ADGRB3: variants seen among roughly 807,000 people sequenced by gnomAD.
ADGRB3 encodes brain-specific angiogenesis inhibitor 3.
ADGRB3 carries 37 observed loss-of-function variants against 193.4 expected under a neutral mutation model. That is an observed-to-expected ratio of 0.19 (90% confidence interval 0.15 to 0.25). ADGRB3 has a LOEUF of 0.25. Among genes scored for constraint, ADGRB3 ranks in the 10% least tolerant of loss-of-function variants. ADGRB3 has a pLI of 1.00. For synonymous variants in ADGRB3, 690 were observed against 644.2 expected, an observed-to-expected ratio of 1.07 and a Z score of -1.08; for missense variants, 1,637 against 1,852.9, an observed-to-expected ratio of 0.88 and a Z score of 2.14.
At chr6:68,779,141 T>C (rs927066098) in intron 3 of ADGRB3, among the ~76,000 whole-genome samples, 1 of 151,806 alleles carries the variant, frequency 6.6e-6, no homozygotes, top group African/African-American at 2.4e-5. Flanking sequence ...CACACATATA[T>C]ACATAACAGA....
chr6:68,821,341 T>G (rs1232850390), intron 3 of ADGRB3, among the ~76,000 whole-genome samples: 1 of 151,980 alleles, frequency 6.6e-6, no homozygotes, highest in Non-Finnish European at 1.5e-5. Flanking sequence ...TTACTTTACA[T>G]AAGTACAATG....
At chr6:69,062,582 T>A (rs1452114395) in intron 15 of ADGRB3, among the ~76,000 whole-genome samples, 2 of 151,856 alleles carry the variant, frequency 1.3e-5, no homozygotes, top group African/African-American at 2.4e-5. Context: ...AACTCTTAGG[T>A]CCTCCTTGAT....
At chr6:69,325,147 A>C in intron 21 of ADGRB3, 125 bp downstream of exon 21, 1 of 1,261,702 alleles carries the variant, frequency 7.9e-7, no homozygotes, top group Middle Eastern at 2.0e-4. Context: ...AAGTGAAAAT[A>C]CATGAGCTGG....
intron 20 of ADGRB3, among the ~76,000 whole-genome samples, chr6:69,280,452 G>A (rs560946376): frequency 6.6e-6 from 1 of 152,218 alleles, no homozygotes; most frequent in South Asian, 2.1e-4. Context: ...TTGAATTCTG[G>A]CTCCATCATT....
At chr6:69,313,465 C>T (rs569028171) in intron 20 of ADGRB3, among the ~76,000 whole-genome samples, 1 of 151,924 alleles carries the variant, frequency 6.6e-6, no homozygotes, top group South Asian at 2.1e-4. Context: ...CCTCTTCTGC[C>T]TTCAAAGTTA....
chr6:68,781,813 C>T (rs1766859004), intron 3 of ADGRB3, among the ~76,000 whole-genome samples: 1 of 151,886 alleles, frequency 6.6e-6, no homozygotes, highest in Non-Finnish European at 1.5e-5. Flanking sequence ...GAGCGCCTCC[C>T]ACTCACCCAA....
At chr6:69,328,320 A>G (rs959727406) in intron 22 of ADGRB3, among the ~76,000 whole-genome samples, 1 of 152,222 alleles carries the variant, frequency 6.6e-6, no homozygotes, top group East Asian at 1.9e-4. Flanking sequence ...AGGGTAATGC[A>G]TACTAAAAAT....
In ADGRB3 at chr6:69,044,003, T is replaced by G. The variant is rs946325913; in HGVS notation, c.2108-4182T>G. 2.0e-5 allele frequency among the ~76,000 whole-genome samples: 3 copies of G among 152,116 alleles called. No individual in the cohort carries two copies. The East Asian group carries it at 5.8e-4, about 29-fold the overall frequency. On this transcript the variant is annotated intron_variant, in intron 13 of 31. Coordinates refer to ENST00000370598, the MANE Select transcript of ADGRB3 (RefSeq NM_001704.3). ...TTGCAGTGAGGTGAGATGGCGCCAG[T>G]GCATTCCAGCCTGGGCGACAGAGCG...
At chr6:69,051,968 C>T (rs537751308) in intron 15 of ADGRB3, among the ~76,000 whole-genome samples, 1 of 152,244 alleles carries the variant, frequency 6.6e-6, no homozygotes, top group Admixed American at 6.5e-5. Context: ...GATCTCCGCT[C>T]ACTGCAAGAT....
chr6:68,990,482 T>C (rs1769206861), intron 10 of ADGRB3, among the ~76,000 whole-genome samples: 1 of 152,104 alleles, frequency 6.6e-6, no homozygotes, highest in Non-Finnish European at 1.5e-5. Flanking sequence ...ACCTGTTTGC[T>C]AAGAGCTGGA....
intron 3 of ADGRB3, among the ~76,000 whole-genome samples, chr6:68,745,922 A>G (rs778564555): frequency 7.2e-5 from 11 of 152,004 alleles, no homozygotes; most frequent in Non-Finnish European, 1.3e-4. Flanking sequence ...TGATAACTTT[A>G]CAATTATTGA....
chr6:68,839,149 A>G (rs1768102233), intron 3 of ADGRB3, among the ~76,000 whole-genome samples: 1 of 151,762 alleles, frequency 6.6e-6, no homozygotes, highest in Non-Finnish European at 1.5e-5. Context: ...ATAACAAGTC[A>G]TTAAGTTGTC....
intron 11 of ADGRB3, among the ~76,000 whole-genome samples, chr6:69,001,467 A>T (rs1769574269): frequency 6.6e-6 from 1 of 152,214 alleles, no homozygotes; most frequent in Non-Finnish European, 1.5e-5. Context: ...AGATGGTCTG[A>T]AAAGGTAAAT....
chr6:69,088,144 G>A (rs1772601576), intron 17 of ADGRB3, among the ~76,000 whole-genome samples: 1 of 152,056 alleles, frequency 6.6e-6, no homozygotes, highest in South Asian at 2.1e-4. Context: ...AGTTCTCAGA[G>A]CAGAGTAGCT....
intron 3 of ADGRB3, among the ~76,000 whole-genome samples, chr6:68,733,270 TA>T (rs1159438272): frequency 1.3e-5 from 2 of 148,646 alleles, no homozygotes; most frequent in East Asian, 3.9e-4. Flanking sequence ...AATATGTATA[TA>T]TTCCATATAT....
intron 17 of ADGRB3, among the ~76,000 whole-genome samples, chr6:69,125,936 A>G (rs1488521582): frequency 6.6e-6 from 1 of 152,190 alleles, no homozygotes; most frequent in Non-Finnish European, 1.5e-5. Context: ...ATGCCATTTC[A>G]GTGAATTGAG....
chr6:69,006,880 G>GT (rs1292181068), intron 11 of ADGRB3, among the ~76,000 whole-genome samples: 1 of 151,768 alleles, frequency 6.6e-6, no homozygotes, highest in Non-Finnish European at 1.5e-5. Flanking sequence ...TACCTTCAAT[G>GT]TTTTAACCAT....
intron 3 of ADGRB3, among the ~76,000 whole-genome samples, chr6:68,746,679 T>G (rs1202457468): frequency 6.6e-6 from 1 of 152,110 alleles, no homozygotes. Flanking sequence ...GCTTTCCCTC[T>G]TCCCCTTGTC....
intron 20 of ADGRB3, among the ~76,000 whole-genome samples, chr6:69,260,684 C>T (rs1469810634): frequency 1.3e-5 from 2 of 152,110 alleles, no homozygotes; most frequent in East Asian, 3.9e-4. Context: ...TAAAAACCAT[C>T]TTTAGTTCCC....
Sources: allele counts gnomAD v4.1 joint callset (sites outside exome capture counted in the v4.1 genomes callset), GRCh38; gene constraint gnomAD v4.1.1; transcripts MANE v1.5; gene names NCBI Gene and HGNC (gene_info 2026-07-23, HGNC 2026-07-21).